The following MAST4 variants were observed in gnomAD, a reference collection of about 807,000 sequenced individuals.
The protein encoded by MAST4 is microtubule associated serine/threonine kinase family member 4, also known as microtubule-associated serine/threonine-protein kinase 4.
MAST4 carries 89 observed loss-of-function variants against 162.7 expected under a neutral mutation model. The ratio of observed to expected loss-of-function variants is 0.55; its 90% confidence interval spans 0.46 to 0.65. MAST4 has a LOEUF of 0.65. Ranked by LOEUF, MAST4 falls within the 30% of genes least tolerant of loss-of-function variation. The pLI is 0.00. For synonymous variants in MAST4, 1,479 were observed against 1,361.1 expected, an observed-to-expected ratio of 1.09 and a Z score of -1.91; for missense variants, 3,153 against 3,374.0, an observed-to-expected ratio of 0.93 and a Z score of 1.62.
intron 4 of MAST4, among the ~76,000 whole-genome samples, chr5:66,907,587 CGTGTGTGTGTGTGTGTGTGTGTGTGT>C (rs59273615): frequency 6.9e-6 from 1 of 144,238 alleles, no homozygotes; most frequent in Non-Finnish European, 1.5e-5. Context: ...TAGGTTGATG[CGTGTGTGTGTGTGTGTGTGTGTGTGT>C]GTGTGTGTGT....
At chr5:66,773,265 C>T (rs1754440265) in intron 2 of MAST4, among the ~76,000 whole-genome samples, 1 of 152,200 alleles carries the variant, frequency 6.6e-6, no homozygotes, top group African/African-American at 2.4e-5. Flanking sequence ...CAGTAGCCTG[C>T]ATTTGTCATT....
intron 4 of MAST4, among the ~76,000 whole-genome samples, chr5:66,914,518 A>G (rs1435684467): frequency 6.6e-6 from 1 of 152,172 alleles, no homozygotes; most frequent in Admixed American, 6.5e-5. Context: ...AAAGAACTAT[A>G]ATGGAGAGCT....
intron 4 of MAST4, among the ~76,000 whole-genome samples, chr5:67,047,186 T>C (rs1181738438): frequency 6.6e-6 from 1 of 152,248 alleles, no homozygotes; most frequent in Admixed American, 6.5e-5. Flanking sequence ...CTCCTTTTAA[T>C]CTAGCAGCCA....
intron 1 of MAST4, among the ~76,000 whole-genome samples, chr5:66,642,217 G>C (rs914940381): frequency 6.6e-6 from 1 of 152,168 alleles, no homozygotes; most frequent in African/African-American, 2.4e-5. Context: ...AAATATAGTG[G>C]AAAGGGGAAC....
At chr5:67,010,326 T>C in intron 4 of MAST4, among the ~76,000 whole-genome samples, 1 of 152,062 alleles carries the variant, frequency 6.6e-6, no homozygotes, top group East Asian at 1.9e-4. Context: ...CATAACCCTG[T>C]GGGGTGATGA....
intron 6 of MAST4, among the ~76,000 whole-genome samples, chr5:67,094,505 C>T (rs1026958397): frequency 1.3e-5 from 2 of 152,154 alleles, no homozygotes; most frequent in Non-Finnish European, 2.9e-5. Context: ...ATATATGACA[C>T]TGCAATCTTA....
intron 3 of MAST4, among the ~76,000 whole-genome samples, chr5:66,870,434 G>T (rs1760844973): frequency 6.6e-6 from 1 of 152,126 alleles, no homozygotes. Flanking sequence ...CATATTCAGA[G>T]AAATCATGTT....
At chr5:66,986,363 G>T in intron 4 of MAST4, 1 of 984,642 alleles carries the variant, frequency 1.0e-6, no homozygotes, top group Non-Finnish European at 1.5e-6. Flanking sequence ...GTTACACAGA[G>T]AAATACTTGC....
intron 2 of MAST4, among the ~76,000 whole-genome samples, chr5:66,779,393 CTTTTTT>C (rs57118930): frequency 8.6e-5 from 10 of 116,710 alleles, no homozygotes; most frequent in African/African-American, 1.3e-4. Context: ...ACACATAGCA[CTTTTTT>C]TTTTTTTTTT....
chr5:67,149,625 T>G (rs1458390119), intron 24 of MAST4, 36 bp downstream of exon 24: 1 of 1,595,464 alleles, frequency 6.3e-7, no homozygotes, highest in East Asian at 2.2e-5. Flanking sequence ...TTGTGTGATT[T>G]GTGCATGTGG....
intron 3 of MAST4, among the ~76,000 whole-genome samples, chr5:66,831,159 A>G (rs1437119919): frequency 6.6e-6 from 1 of 152,184 alleles, no homozygotes; most frequent in South Asian, 2.1e-4. Context: ...GATGATTTCT[A>G]TTCTCTATAA....
At chr5:67,002,975 T>C (rs1172498690) in intron 4 of MAST4, among the ~76,000 whole-genome samples, 1 of 149,944 alleles carries the variant, frequency 6.7e-6, no homozygotes, top group Non-Finnish European at 1.5e-5. Flanking sequence ...AGGTCAGCAA[T>C]GTTGCTAAAC....
chr5:67,048,181 T>G (rs1026290927), intron 4 of MAST4, among the ~76,000 whole-genome samples: 3 of 152,160 alleles, frequency 2.0e-5, no homozygotes, highest in African/African-American at 7.2e-5. Context: ...TGCACAGAGT[T>G]CTAGATCTTT....
chr5:66,898,177 G>A (rs1241039651), intron 3 of MAST4, among the ~76,000 whole-genome samples: 1 of 152,192 alleles, frequency 6.6e-6, no homozygotes, highest in Non-Finnish European at 1.5e-5. Flanking sequence ...GTCTGGTACA[G>A]TGTGGTGTAT....
intron 4 of MAST4, among the ~76,000 whole-genome samples, chr5:66,903,364 T>C (rs1763129169): frequency 6.7e-6 from 1 of 150,010 alleles, no homozygotes; most frequent in South Asian, 2.1e-4. Flanking sequence ...GGATTCAAAT[T>C]GCTTTAACCA....
chr5:66,895,783 C>T (rs1232114846), intron 3 of MAST4, among the ~76,000 whole-genome samples: 4 of 152,090 alleles, frequency 2.6e-5, no homozygotes, highest in Non-Finnish European at 5.9e-5. Context: ...TTCTTCTGTT[C>T]TTCAGCCCCA....
At chr5:67,140,900 A>G (rs1455944632) in intron 19 of MAST4, among the ~76,000 whole-genome samples, 3 of 152,344 alleles carry the variant, frequency 2.0e-5, no homozygotes, top group Admixed American at 2.0e-4. Context: ...AGTGTTTTAT[A>G]AAGAAGAATC....
rs193087607 is a variant in MAST4, at chr5:66,992,671, G to A, written c.675-61733G>A. Among the ~76,000 whole-genome samples, 7 of 152,284 alleles carry A rather than the reference G, an allele frequency of 4.6e-5. No individual in the cohort carries two copies. In the East Asian group the frequency reaches 7.7e-4, roughly 17 times the overall value. On this transcript the variant is annotated intron_variant, in intron 4 of 28. Coordinates refer to ENST00000403625, the MANE Select transcript of MAST4 (RefSeq NM_001164664.2). ...ACAGGCAAGAACAAGATGTAGGAAC[G>A]GGCAGTTGTGAAAGAGGAAGAAATG...
chr5:66,847,039 A>G (rs1426990886), intron 3 of MAST4, among the ~76,000 whole-genome samples: 1 of 152,098 alleles, frequency 6.6e-6, no homozygotes, highest in African/African-American at 2.4e-5. Context: ...TTCTTAGTGG[A>G]CATTAATTAG....
Sources: gnomAD v4.1 joint callset for allele counts (sites outside exome capture counted in the v4.1 genomes callset) on GRCh38, gnomAD v4.1.1 for gene constraint, MANE v1.5 for transcripts, NCBI Gene and HGNC (gene_info 2026-07-23, HGNC 2026-07-21) for gene names.